PAICS: variants seen among roughly 807,000 people sequenced by gnomAD.
The protein encoded by PAICS is bifunctional phosphoribosylaminoimidazole carboxylase/phosphoribosylaminoimidazole succinocarboxamide synthetase.
Under a neutral mutation model 53.7 loss-of-function variants are expected in PAICS, and 33 were observed. That is an observed-to-expected ratio of 0.61 (90% confidence interval 0.47 to 0.82). The LOEUF (loss-of-function observed/expected upper bound fraction) is 0.82, where lower values mean the gene tolerates loss of function less well. PAICS is among the 40% of genes least tolerant of loss of function. PAICS has a pLI of 0.00. For missense variants in PAICS, 394 were observed against 494.1 expected, an observed-to-expected ratio of 0.80 and a Z score of 1.92; for synonymous variants, 141 against 167.2, an observed-to-expected ratio of 0.84 and a Z score of 1.21.
the PAICS span, chr4:56,425,570 G>T: frequency 6.2e-6 from 1 of 162,172 alleles, no homozygotes; most frequent in African/African-American, 2.4e-5. Context: ...GCATAATAAA[G>T]AATATATCTA....
intron 7 of PAICS, 75 bp downstream of exon 7, chr4:56,452,127 A>G: frequency 1.1e-6 from 1 of 933,512 alleles, no homozygotes; most frequent in South Asian, 1.8e-5. Context: ...TAGACTAATA[A>G]TGCTGAAAAA....
At chr4:56,427,957 C>A in the PAICS span, among the ~76,000 whole-genome samples, 1 of 152,198 alleles carries the variant, frequency 6.6e-6, no homozygotes, top group East Asian at 1.9e-4. Context: ...ATGCCCACTT[C>A]TCACTAAAAG....
At chr4:56,439,395 TC>T (rs1718221638) in intron 1 of PAICS, among the ~76,000 whole-genome samples, 1 of 151,998 alleles carries the variant, frequency 6.6e-6, no homozygotes, top group Non-Finnish European at 1.5e-5. Flanking sequence ...CACCAACACA[TC>T]CGGCTAATTT....
At chr4:56,435,239 C>G, upstream of PAICS, 1 of 1,495,654 alleles carries the variant, frequency 6.7e-7, no homozygotes, top group Non-Finnish European at 9.1e-7. Flanking sequence ...TGGCTTAGGT[C>G]GGAGAGGTCG....
chr4:56,461,813 C>G lies in PAICS; in HGVS notation c.*2275C>G, dbSNP rs1719525547. 1 of 152,176 alleles carries G rather than the reference C, an allele frequency of 6.6e-6. No homozygotes were observed. Among genetic ancestry groups the G allele is most frequent in the East Asian group, 1.9e-4 (1 of 5,196 alleles). 9.4% of individuals were successfully genotyped at this position (152,176 alleles called of 1,614,324 possible). A position where few individuals can be genotyped will look rare whatever the true frequency, so the allele number is the denominator to read the frequency against. On this transcript the variant is annotated 3_prime_UTR_variant, in exon 9 of 9. Coordinates refer to ENST00000512576, the MANE Select transcript of PAICS (RefSeq NM_001079524.2). ...GTCTGCTATCTTTTGAGTATTTATA[C>G]TTTCTACGGGCTTGTAGGTAAACAT...
In PAICS at chr4:56,453,690, T is replaced by G. The variant is rs1294011228; in HGVS notation, c.1040T>G (p.Val347Gly). Residue 347 changes from valine to glycine, a missense_variant, in exon 8 of 9, where the codon GTT (valine) becomes GGT (glycine). Around this residue, in one of 3 missense-constraint regions of PAICS, gnomAD observed 131 missense variants for 205.5 expected, o/e 0.64. Transcript: ENST00000512576. ...ATGTCTGGGAACACTGCATATCCAGTTATCAGCTGTCCTCCCCTCACACCA... is the reference window on the plus strand; with the variant it reads ...ATGTCTGGGAACACTGCATATCCAGGTATCAGCTGTCCTCCCCTCACACCA... Reference protein sequence around the residue: ...PVMSGNTAYPVISCPPLTPDW... With the variant: ...PVMSGNTAYPGISCPPLTPDW... 6.4e-7 allele frequency: 1 copy of G among 1,560,334 alleles called. No individual in the cohort carries two copies. The highest frequency in any genetic ancestry group is 2.4e-5 in the East Asian group (1 of 42,524).
At position 56,461,453 on chromosome 4, in the gene PAICS, T is replaced by C. The variant is rs1035162722; in HGVS notation, c.*1915T>C. The C allele has an allele frequency of 6.6e-6, 1 of 152,200 alleles. No individual in the cohort carries two copies. Among genetic ancestry groups the C allele is most frequent in the African/African-American group, 2.4e-5 (1 of 41,456 alleles). 9.4% of individuals were successfully genotyped at this position (152,200 alleles called of 1,614,324 possible). On this transcript the variant is annotated 3_prime_UTR_variant, in exon 9 of 9. Transcript: ENST00000512576. The stretch of plus-strand genomic sequence containing the variant: ...AGACTCCATCTACTTCTGTGCAGTA[T>C]ATGAAAATTTTTAAACTTTCATTTA...
At chr4:56,448,007 CTT>C (rs35788109) in intron 3 of PAICS, among the ~76,000 whole-genome samples, 10 of 121,994 alleles carry the variant, frequency 8.2e-5, no homozygotes, top group Admixed American at 1.8e-4. Context: ...AATTTCTTTT[CTT>C]TTTTTTTTTT....
chr4:56,441,723 A>G lies in PAICS; in HGVS notation c.77A>G (p.Asp26Gly), dbSNP rs752884317. The G allele has an allele frequency of 6.2e-7, 1 of 1,604,592 alleles. No individual in the cohort carries two copies. The highest frequency in any genetic ancestry group is 8.5e-7 in the Non-Finnish European group (1 of 1,174,922). The change falls in exon 2 of 9, where the codon GAC becomes GGC. Residue 26 changes from aspartate (D) to glycine (G), a missense_variant. Around this residue, in one of 3 missense-constraint regions of PAICS, gnomAD observed 168 missense variants for 199.3 expected, o/e 0.84. Coordinates refer to ENST00000512576, the MANE Select transcript of PAICS (RefSeq NM_001079524.2). ...ACAAAAGAAGTCTACGAATTGTTAG[A>G]CAGTCCAGGAAAAGTCCTCCTGCAG... ...GKTKEVYELL[D>G]SPGKVLLQSK...
the PAICS span, chr4:56,410,755 A>T: frequency 7.1e-6 from 7 of 987,418 alleles, no homozygotes; most frequent in Non-Finnish European, 8.4e-6. Context: ...ATAACTCTGG[A>T]GACAGCTCTA....
chr4:56,450,461 G>A (rs1440702199), intron 5 of PAICS, among the ~76,000 whole-genome samples, 158 bp from the exon 6 acceptor site: 1 of 152,154 alleles, frequency 6.6e-6, no homozygotes, highest in Non-Finnish European at 1.5e-5. Context: ...ACTTTACTAT[G>A]GAACTTTGTT....
At chr4:56,449,206 A>G (rs769620917) in intron 5 of PAICS, among the ~76,000 whole-genome samples, 10 of 152,186 alleles carry the variant, frequency 6.6e-5, no homozygotes, top group South Asian at 4.1e-4. Context: ...TTCTGCTCCT[A>G]TATAAAACAA....
the PAICS span, chr4:56,410,522 A>T: frequency 1.0e-6 from 1 of 986,454 alleles, no homozygotes; most frequent in African/African-American, 1.7e-5. Context: ...CAACATGGAG[A>T]GTGGAGCAGG....
Position 56,448,602 on chromosome 4 carries a change from A to G in PAICS, c.573+5A>G. 1 of 1,554,590 alleles carries G rather than the reference A, an allele frequency of 6.4e-7. No homozygotes were observed. The highest frequency in any genetic ancestry group is 8.6e-7 in the Non-Finnish European group (1 of 1,157,898). ...TGTACACTGGTTGATATGAAGGTAC[A>G]GATAAAACAAGTACAGATAAAACAA... On this transcript the variant is annotated splice_donor_5th_base_variant and intron_variant, in intron 4 of 8. Transcript: ENST00000512576.
chr4:56,420,819 C>T, the PAICS span: 1 of 152,066 alleles, frequency 6.6e-6, no homozygotes, highest in African/African-American at 2.4e-5. Context: ...TATATTTAAA[C>T]CAAAGGATTG....
chr4:56,447,016 G>C (rs887109334), intron 3 of PAICS, 143 bp downstream of exon 3: 1 of 447,188 alleles, frequency 2.2e-6, no homozygotes, highest in Non-Finnish European at 3.9e-6. Flanking sequence ...GTCTTATCTA[G>C]TTGCCAATGT....
upstream of PAICS, chr4:56,435,609 A>C: frequency 6.6e-7 from 1 of 1,513,224 alleles, no homozygotes; most frequent in Non-Finnish European, 8.9e-7. Context: ...GGGTGGCCCC[A>C]GCTACTGCGG....
intron 1 of PAICS, among the ~76,000 whole-genome samples, chr4:56,440,138 G>A (rs1244554113): frequency 1.3e-5 from 2 of 152,224 alleles, no homozygotes; most frequent in African/African-American, 4.8e-5. Context: ...AGAAGGATGT[G>A]TAGCAAAATG....
rs1166678487 is a variant in PAICS at position 56,464,239 on chromosome 4, T to C, written c.*4701T>C. ...TTTTTAGAGAACAAATACAGCCTAT[T>C]ATGTATATATAAGACCCTGGGAATG... is the stretch of plus-strand genomic sequence containing the variant. On this transcript the variant is annotated 3_prime_UTR_variant, in exon 9 of 9. Coordinates refer to ENST00000512576, the MANE Select transcript of PAICS (RefSeq NM_001079524.2). The C allele has an allele frequency of 1.3e-5, 2 of 152,208 alleles. No individual in the cohort carries two copies. Among genetic ancestry groups the C allele is most frequent in the African/African-American group, 4.8e-5 (2 of 41,460 alleles). The allele number at this position is 152,208 out of a possible 1,614,324, so 9.4% of individuals were successfully genotyped here.
Sources: allele counts gnomAD v4.1 joint callset (sites outside exome capture counted in the v4.1 genomes callset), GRCh38; gene constraint gnomAD v4.1.1; regional missense constraint gnomAD v4.1.1; transcripts MANE v1.5; gene names NCBI Gene and HGNC (gene_info 2026-07-23, HGNC 2026-07-21).